Variants in LRRC4C observed in about 807,000 individuals in gnomAD.
The protein encoded by LRRC4C is leucine rich repeat containing 4C, also known as leucine-rich repeat-containing protein 4C.
A neutral mutation model predicts 33.6 loss-of-function variants in LRRC4C; 5 were observed. That is an observed-to-expected ratio of 0.15 (90% CI 0.08 to 0.31). LRRC4C has a LOEUF of 0.31. LRRC4C is among the 10% of genes least tolerant of loss of function. The pLI is 1.00. For synonymous variants in LRRC4C, 329 were observed against 302.0 expected (o/e 1.09, Z -0.93); for missense variants, 560 against 796.7 (o/e 0.70, Z 3.58).
intron 3 of LRRC4C, among the ~76,000 whole-genome samples, chr11:40,322,708 C>T (rs1945913143): frequency 6.6e-6 from 1 of 152,134 alleles, no homozygotes; most frequent in Admixed American, 6.5e-5. Context: ...TTCTATGGGT[C>T]ACTATCCTAA....
chr11:40,866,155 A>G (rs1384523717), intron 2 of LRRC4C, among the ~76,000 whole-genome samples: 2 of 124,460 alleles, frequency 1.6e-5, no homozygotes, highest in African/African-American at 5.9e-5. Flanking sequence ...TTGAAATCCC[A>G]GGGTAATTCT....
intron 2 of LRRC4C, among the ~76,000 whole-genome samples, chr11:40,658,941 A>T (rs376903724): frequency 1.3e-5 from 2 of 152,166 alleles, no homozygotes; most frequent in East Asian, 3.9e-4. Context: ...TGCTCTGGAT[A>T]GCCAGCAGGA....
rs1466417337 is a variant in LRRC4C at position 40,767,317 on chromosome 11, A to T, written c.-406-119039T>A. Among the ~76,000 whole-genome samples the T allele has an allele frequency of 2.0e-5, 3 of 152,114 alleles. No homozygotes were observed. In the East Asian group the frequency reaches 5.8e-4, roughly 29 times the overall value. ...ATGCCTCCAACAATGGATCACCCAG[A>T]TATATAAAGCAAATATTGTTAGAGC... On this transcript the variant is annotated intron_variant, in intron 2 of 6. Transcript: ENST00000528697.
intron 2 of LRRC4C, among the ~76,000 whole-genome samples, chr11:40,918,011 C>G (rs949020411): frequency 1.2e-4 from 18 of 152,016 alleles, no homozygotes; most frequent in African/African-American, 4.3e-4. Context: ...ATTCCACATT[C>G]CTAGAACAAT....
chr11:41,220,449 G>C (rs114294329), intron 1 of LRRC4C, among the ~76,000 whole-genome samples: 9 of 149,578 alleles, frequency 6.0e-5, no homozygotes, highest in Non-Finnish European at 1.0e-4. Flanking sequence ...TGGCGGGGGG[G>C]TGTTATCCAA....
chr11:40,288,504 G>A (rs1005340160), intron 4 of LRRC4C, among the ~76,000 whole-genome samples: 3 of 152,096 alleles, frequency 2.0e-5, no homozygotes, highest in African/African-American at 7.2e-5. Context: ...TTCTCTTAAG[G>A]GGAAAACAGG....
At chr11:40,174,049 C>G (rs1860267484) in intron 5 of LRRC4C, among the ~76,000 whole-genome samples, 1 of 151,964 alleles carries the variant, frequency 6.6e-6, no homozygotes, top group African/African-American at 2.4e-5. Flanking sequence ...TTTCAAAAGC[C>G]CCACCTAATT....
chr11:40,432,457 C>T (rs1350351283), intron 3 of LRRC4C, among the ~76,000 whole-genome samples: 1 of 152,184 alleles, frequency 6.6e-6, no homozygotes, highest in Non-Finnish European at 1.5e-5. Context: ...ATTTCATGTT[C>T]TCCCTTTGGT....
intron 1 of LRRC4C, among the ~76,000 whole-genome samples, chr11:41,024,660 A>C (rs1856217678): frequency 6.6e-6 from 1 of 151,634 alleles, no homozygotes; most frequent in South Asian, 2.1e-4. Context: ...CTTAGGATCC[A>C]TTTAGTAGAT....
chr11:40,851,011 A>T (rs1216856684), intron 2 of LRRC4C, among the ~76,000 whole-genome samples: 4 of 152,288 alleles, frequency 2.6e-5, no homozygotes, highest in African/African-American at 9.6e-5. Context: ...TGGACTTCAC[A>T]CTGCTGTGCT....
At chr11:40,885,426 T>C (rs951809669) in intron 2 of LRRC4C, among the ~76,000 whole-genome samples, 4 of 152,052 alleles carry the variant, frequency 2.6e-5, no homozygotes, top group African/African-American at 7.2e-5. Context: ...GTGTTCCCAT[T>C]ATCCATAGCC....
intron 1 of LRRC4C, among the ~76,000 whole-genome samples, chr11:41,335,947 G>A (rs1396915070): frequency 2.6e-5 from 4 of 152,242 alleles, no homozygotes; most frequent in East Asian, 1.9e-4. Flanking sequence ...ACACTTTAAC[G>A]ATTGAAATGA....
At chr11:40,788,444 A>C (rs1450798150) in intron 2 of LRRC4C, among the ~76,000 whole-genome samples, 1 of 152,178 alleles carries the variant, frequency 6.6e-6, no homozygotes, top group Non-Finnish European at 1.5e-5. Flanking sequence ...TAAATGTTTT[A>C]AGTTATTGAT....
chr11:40,666,549 C>G (rs140788293), intron 2 of LRRC4C, among the ~76,000 whole-genome samples: 3 of 152,152 alleles, frequency 2.0e-5, no homozygotes, highest in Admixed American at 6.5e-5. Flanking sequence ...TTTGCAATGT[C>G]TCAAAAATGG....
chr11:40,275,672 C>T (rs1943050839), intron 4 of LRRC4C, among the ~76,000 whole-genome samples: 1 of 152,036 alleles, frequency 6.6e-6, no homozygotes, highest in Non-Finnish European at 1.5e-5. Context: ...GGTGGGTTCC[C>T]CTAATGGAGA....
At chr11:41,238,304 A>G (rs1948107893) in intron 1 of LRRC4C, among the ~76,000 whole-genome samples, 1 of 152,148 alleles carries the variant, frequency 6.6e-6, no homozygotes, top group Non-Finnish European at 1.5e-5. Context: ...ACATCTATTC[A>G]CATCTGTGTC....
intron 1 of LRRC4C, among the ~76,000 whole-genome samples, chr11:41,251,935 T>A (rs1387807899): frequency 6.6e-6 from 1 of 151,604 alleles, no homozygotes; most frequent in Admixed American, 6.6e-5. Context: ...AAAAGAAAAA[T>A]GGAAAAATGT....
At chr11:40,632,510 C>A (rs1458082522) in intron 3 of LRRC4C, among the ~76,000 whole-genome samples, 3 of 152,032 alleles carry the variant, frequency 2.0e-5, no homozygotes, top group African/African-American at 7.3e-5. Context: ...TAACTCAAGC[C>A]GTGTAGAATG....
chr11:41,434,335 AT>A (rs200548581), intron 1 of LRRC4C, among the ~76,000 whole-genome samples: 114 of 150,324 alleles, frequency 7.6e-4, no homozygotes, highest in African/African-American at 8.0e-4. Flanking sequence ...TTTTCAGATA[AT>A]TTTTTTTTTA....
Sources: allele counts gnomAD v4.1 joint callset (sites outside exome capture counted in the v4.1 genomes callset), GRCh38; gene constraint gnomAD v4.1.1; transcripts MANE v1.5; gene names NCBI Gene and HGNC (gene_info 2026-07-23, HGNC 2026-07-21).